The following SOX30 variants were observed in gnomAD, a reference collection of about 807,000 sequenced individuals.
SOX30 encodes transcription factor SOX-30.
SOX30 carries 17 observed loss-of-function variants against 58.6 expected under a neutral mutation model. That is an observed-to-expected ratio of 0.29 (90% CI 0.20 to 0.44). The LOEUF (loss-of-function observed/expected upper bound fraction) is 0.44, where lower values mean the gene tolerates loss of function less well. Ranked by LOEUF, SOX30 falls within the 20% of genes least tolerant of loss-of-function variation. The pLI is 1.00. For missense variants in SOX30, 951 were observed against 965.8 expected (o/e 0.98, Z 0.20); for synonymous variants, 421 against 400.2 (o/e 1.05, Z -0.62).
chr5:157,661,885 G>A (rs973957564), intron 2 of SOX30, among the ~76,000 whole-genome samples: 1 of 102,372 alleles, frequency 9.8e-6, no homozygotes, highest in South Asian at 2.8e-4. Context: ...GCTGTAAAGT[G>A]TCCCCTTCTA....
In SOX30 at chr5:157,651,882, G is replaced by A. The variant is rs757302973; in HGVS notation, c.197C>T (p.Ala66Val). The A allele has an allele frequency of 7.1e-6, 11 of 1,549,974 alleles. No individual in the cohort carries two copies. The East Asian group carries it at 2.3e-4, about 33-fold the overall frequency. Residue 66 changes from alanine (A) to valine (V), a missense_variant, in exon 1 of 5, where the codon GCG becomes GTG. By Grantham distance (64) the Ala-to-Val change is moderately conservative. Coordinates refer to ENST00000265007, the MANE Select transcript of SOX30 (RefSeq NM_178424.2). ...GEAVASGLQP[A>V]VRRLLQVKPE... ...CTTCACCTGCAGCAGCCGCCGCACC[G>A]CGGGCTGTAAGCCGGACGCCACTGC...
At chr5:157,659,613 A>G (rs986177717) in intron 2 of SOX30, among the ~76,000 whole-genome samples, 1 of 152,238 alleles carries the variant, frequency 6.6e-6, no homozygotes, top group Non-Finnish European at 1.5e-5. Context: ...GCCTTAATCA[A>G]TTTAGAAGTT....
chr5:157,666,391 C>G (rs962893859), intron 2 of SOX30, among the ~76,000 whole-genome samples: 3 of 151,688 alleles, frequency 2.0e-5, no homozygotes, highest in Admixed American at 1.3e-4. Flanking sequence ...AACTCCTGGG[C>G]TCAAGAGATC....
At position 157,652,300 on chromosome 5, in the gene SOX30, G is replaced by A. The variant is rs369810092; in HGVS notation, c.-222C>T. On this transcript the variant is annotated 5_prime_UTR_variant, in exon 1 of 5. It introduces an in-frame stop codon into an upstream open reading frame of the 5' UTR. Transcript: ENST00000265007. Reference sequence around the variant, plus strand: ...CCGGCTCTTCCTGGTCCCTACTCTCGCCTCGTGCTGAGTCCTCGAATCACC... The same window carrying A: ...CCGGCTCTTCCTGGTCCCTACTCTCACCTCGTGCTGAGTCCTCGAATCACC... The A allele has an allele frequency of 2.4e-6, 3 of 1,237,040 alleles. No individual in the cohort carries two copies. The highest frequency in any genetic ancestry group is 3.0e-6 in the Non-Finnish European group (3 of 992,320). The allele number at this position is 1,237,040 out of a possible 1,614,324, so 76.6% of individuals were successfully genotyped here.
rs562913399 is a variant in SOX30, at chr5:157,645,353, T to C, written c.1387+1284A>G. 1.6e-4 allele frequency among the ~76,000 whole-genome samples: 25 copies of C among 152,256 alleles called. No homozygotes were observed. In the East Asian group the frequency reaches 4.2e-3, roughly 26 times the overall value. Reference sequence around the variant, plus strand: ...TAAAAAAAAATAGAAAAAGCAGGTTTACGCAGTCTTAGTAGGTTTAAGAAA... The same window carrying C: ...TAAAAAAAAATAGAAAAAGCAGGTTCACGCAGTCTTAGTAGGTTTAAGAAA... On this transcript the variant is annotated intron_variant, in intron 3 of 4. Transcript: ENST00000265007.
At position 157,631,548 on chromosome 5, in the gene SOX30, G is replaced by T. The variant is rs541848466; in HGVS notation, c.1881-4827C>A. ...GGCCGAGGCGTGTGGATCACCTGAGGTCAGGAGTTTGAGACCACCCTGGTC... is the reference window on the plus strand; with the variant it reads ...GGCCGAGGCGTGTGGATCACCTGAGTTCAGGAGTTTGAGACCACCCTGGTC... On this transcript the variant is annotated intron_variant, in intron 4 of 4. Coordinates refer to ENST00000265007, the MANE Select transcript of SOX30 (RefSeq NM_178424.2). Among the ~76,000 whole-genome samples the T allele has an allele frequency of 2.0e-5, 3 of 152,134 alleles. No homozygotes were observed. The East Asian group carries it at 5.8e-4, about 29-fold the overall frequency.
chr5:157,652,106 T>C lies in SOX30; in HGVS notation c.-28A>G. ...GGGAGGGGGACGCCCCGGCCAGGAT[T>C]GTGAGCTCAGCCGTTTGTTGGCGAC... On this transcript the variant is annotated 5_prime_UTR_variant, in exon 1 of 5. Coordinates refer to ENST00000265007, the MANE Select transcript of SOX30 (RefSeq NM_178424.2). The C allele has an allele frequency of 7.2e-7, 1 of 1,391,752 alleles. No homozygotes were observed. The highest frequency in any genetic ancestry group is 9.3e-7 in the Non-Finnish European group (1 of 1,080,684). 86.2% of individuals were successfully genotyped at this position (1,391,752 alleles called of 1,614,324 possible). A position where few individuals can be genotyped will look rare whatever the true frequency, so the allele number is the denominator to read the frequency against.
intron 2 of SOX30, among the ~76,000 whole-genome samples, chr5:157,665,395 T>C (rs7703839): frequency 0.17 from 26,384 of 151,856 alleles, 2,651 homozygotes; most frequent in African/African-American, 0.28. Context: ...GGGAATTGAA[T>C]AATGAGAACA....
intron 3 of SOX30, among the ~76,000 whole-genome samples, chr5:157,644,710 G>A (rs1290836566): frequency 6.6e-6 from 1 of 152,174 alleles, no homozygotes; most frequent in Non-Finnish European, 1.5e-5. Flanking sequence ...GGCTGGGCAT[G>A]GTGGCTCACC....
At chr5:157,654,469 T>C (rs1561588169), upstream of SOX30, among the ~76,000 whole-genome samples, 2 of 152,170 alleles carry the variant, frequency 1.3e-5, no homozygotes, top group African/African-American at 4.8e-5. Context: ...TGAGAACCAC[T>C]GTACTAGGGT....
intron 1 of SOX30, among the ~76,000 whole-genome samples, chr5:157,669,556 C>T (rs973549592): frequency 6.7e-6 from 1 of 149,930 alleles, no homozygotes; most frequent in African/African-American, 2.5e-5. Flanking sequence ...TTCTCTGTCG[C>T]CCAGGCTGGA....
intron 4 of SOX30, among the ~76,000 whole-genome samples, chr5:157,628,365 TCA>T (rs70984476): frequency 0.14 from 19,815 of 139,384 alleles, 1,365 homozygotes; most frequent in Non-Finnish European, 0.17. Flanking sequence ...TTTCTGGCCT[TCA>T]CACACACACA....
chr5:157,667,504 G>A (rs1009571599), intron 2 of SOX30, among the ~76,000 whole-genome samples: 9 of 152,080 alleles, frequency 5.9e-5, no homozygotes, highest in South Asian at 2.1e-4. Flanking sequence ...AGGCCAAGGC[G>A]GACGGAATCA....
intron 4 of SOX30, among the ~76,000 whole-genome samples, chr5:157,627,926 G>A (rs1188808637): frequency 2.6e-5 from 4 of 151,614 alleles, no homozygotes; most frequent in South Asian, 2.1e-4. Context: ...CCCAGAAGGC[G>A]GAGCTTGCAG....
In SOX30 at chr5:157,651,650, C is replaced by T; in HGVS notation, c.429G>A (p.Gly143=). The T allele has an allele frequency of 1.2e-6, 2 of 1,612,004 alleles. No homozygotes were observed. Among genetic ancestry groups the T allele is most frequent in the Non-Finnish European group, 1.7e-6 (2 of 1,179,650 alleles). The part of the protein sequence containing the change: ...LHVKAKKQKL[G]PSLDQSVGPR... ...GCCCCACTGACTGATCCAGGCTGGG[C>T]CCCAGCTTCTGCTTCTTGGCCTTGA... The change falls in exon 1 of 5, where the codon GGG becomes GGA. Residue 143 remains glycine (G), a synonymous_variant. Coordinates refer to ENST00000265007, the MANE Select transcript of SOX30 (RefSeq NM_178424.2).
intron 2 of SOX30, among the ~76,000 whole-genome samples, chr5:157,658,092 C>T (rs1664204142): frequency 6.6e-6 from 1 of 152,170 alleles, no homozygotes; most frequent in Non-Finnish European, 1.5e-5. Flanking sequence ...ATTTACTCAT[C>T]TCATAGGTAT....
intron 1 of SOX30, chr5:157,667,933 C>A: frequency 7.1e-7 from 1 of 1,416,842 alleles, no homozygotes; most frequent in South Asian, 1.3e-5. Flanking sequence ...CATTCATTCC[C>A]CACAACAACA....
chr5:157,651,737 T>C lies in SOX30; in HGVS notation c.342A>G (p.Thr114=). 1.9e-6 allele frequency: 3 copies of C among 1,560,452 alleles called. No homozygotes were observed. Among genetic ancestry groups the C allele is most frequent in the Non-Finnish European group, 2.6e-6 (3 of 1,155,648 alleles). ...GCCTGGAGGTGGCGCCGTCTGACGC[T>C]GTCGGCGGCTGCAGGAGCCGCAGGT... ...RPDLRLLQPP[T]ASDGATSRPE... is the part of the protein sequence containing the mutation. Residue 114 remains threonine, a synonymous_variant, in exon 1 of 5, where the codon ACA becomes ACG. Coordinates refer to ENST00000265007, the MANE Select transcript of SOX30 (RefSeq NM_178424.2).
chr5:157,663,753 A>G (rs1759617284), intron 2 of SOX30, among the ~76,000 whole-genome samples: 2 of 152,326 alleles, frequency 1.3e-5, no homozygotes, highest in South Asian at 4.1e-4. Context: ...ACTTCAGCAA[A>G]GTCTCAGGAT....
Sources: gnomAD v4.1 joint callset for allele counts (sites outside exome capture counted in the v4.1 genomes callset) on GRCh38, gnomAD v4.1.1 for gene constraint, MANE v1.5 for transcripts, NCBI Gene and HGNC (gene_info 2026-07-23, HGNC 2026-07-21) for gene names.